The following HERC1 variants were observed in gnomAD, a reference collection of about 807,000 sequenced individuals.
HERC1 encodes the protein probable E3 ubiquitin-protein ligase HERC1.
HERC1 carries 160 observed loss-of-function variants against 554.3 expected under a neutral mutation model. The ratio of observed to expected loss-of-function variants is 0.29; its 90% CI spans 0.25 to 0.33. The LOEUF is 0.33. Among genes scored for constraint, HERC1 ranks in the 10% least tolerant of loss-of-function variants. HERC1 has a pLI of 1.00. For synonymous variants in HERC1, 2,175 were observed against 2,131.7 expected (o/e 1.02, Z -0.56); for missense variants, 4,919 against 5,918.5 (o/e 0.83, Z 5.54).
chr15:63,790,991 C>CA (rs1256024624), intron 1 of HERC1, among the ~76,000 whole-genome samples: 1 of 151,940 alleles, frequency 6.6e-6, no homozygotes, highest in Non-Finnish European at 1.5e-5. Flanking sequence ...ATTTTAACAA[C>CA]AAAAAATCCT....
chr15:63,628,840 G>C (rs750386617), intron 69 of HERC1, 25 bp from the exon 70 acceptor site: 2 of 1,602,076 alleles, frequency 1.2e-6, no homozygotes, highest in South Asian at 1.1e-5. Context: ...CAAATATACA[G>C]ACATTCAATT....
chr15:63,685,899 T>C (rs2071734529), intron 34 of HERC1, among the ~76,000 whole-genome samples: 1 of 152,232 alleles, frequency 6.6e-6, no homozygotes, highest in African/African-American at 2.4e-5. Flanking sequence ...ATCTAGATTG[T>C]ACAAACAATA....
In HERC1 at chr15:63,624,224, A is replaced by G. The variant is rs1243914804; in HGVS notation, c.13379T>C (p.Ile4460Thr). Residue 4460 changes from isoleucine to threonine, a missense_variant, in exon 72 of 78, where the codon ATA (isoleucine) becomes ACA (threonine). Ile to Thr is a moderately conservative substitution (Grantham distance 89). Around this residue, in one of 11 missense-constraint regions of HERC1, gnomAD observed 410 missense variants for 467.0 expected, o/e 0.88. Transcript: ENST00000443617. ...TTTGCCTTGAACCATGGTTTTTCCT[A>G]TGGAGCGCACCATTGGCAGAGTGTA... Reference protein sequence around the residue: ...RVYTLPMVRSIGKTMVQGKNY... With the variant: ...RVYTLPMVRSTGKTMVQGKNY... 6.2e-7 allele frequency: 1 copy of G among 1,613,920 alleles called. No homozygotes were observed. Among genetic ancestry groups the G allele is most frequent in the South Asian group, 1.1e-5 (1 of 91,082 alleles).
Position 63,625,998 on chromosome 15 carries a change from C to A in HERC1, c.13262G>T (p.Ser4421Ile). ...MYSSWRLLNL[S>I]PNNQNSTSHY... ...CCAGTCTGTTACCTGGTTGTTGGGGCTAAGGTTCAGCAGTCTCCAGGATGA... is the reference window on the plus strand; with the variant it reads ...CCAGTCTGTTACCTGGTTGTTGGGGATAAGGTTCAGCAGTCTCCAGGATGA... The change falls in exon 71 of 78, where the codon AGC (serine) becomes ATC (isoleucine). Residue 4421 changes from serine (S) to isoleucine (I), a missense_variant. Physicochemically the swap from Ser to Ile is moderately radical, Grantham distance 142. Transcript: ENST00000443617. 6.2e-7 allele frequency: 1 copy of A among 1,609,836 alleles called. No individual in the cohort carries two copies. Among genetic ancestry groups the A allele is most frequent in the Non-Finnish European group, 8.5e-7 (1 of 1,178,142 alleles).
Position 63,612,269 on chromosome 15 carries a change from T to G in HERC1, c.14382A>C (p.Gln4794His). The G allele has an allele frequency of 6.2e-7, 1 of 1,609,062 alleles. No individual in the cohort carries two copies. ...TACTTACCCTATCAACCTTCATGAT[T>G]TGAAATCTCTGAGAAATGTCAGCAG... The part of the protein sequence containing the change: ...ANTADISQRF[Q>H]IMKVDRPYDS... Residue 4794 changes from glutamine to histidine, a missense_variant, in exon 77 of 78, where the codon CAA becomes CAC. This residue lies in a region of HERC1 where 71 missense variants were observed against 101.4 expected (regional missense o/e 0.70). Transcript: ENST00000443617. This position sits in a 1 kb window ranked among gnomAD's most constrained non-coding sequence, Gnocchi z 5.0.
chr15:63,821,726 C>CAAAAAA (rs35074987), intron 1 of HERC1, among the ~76,000 whole-genome samples: 4 of 62,478 alleles, frequency 6.4e-5, no homozygotes, highest in African/African-American at 2.1e-4. Context: ...TACCCTGTCT[C>CAAAAAA]AAAAAAAAAA....
At chr15:63,635,572 C>T (rs2068745469) in intron 65 of HERC1, among the ~76,000 whole-genome samples, 1 of 152,158 alleles carries the variant, frequency 6.6e-6, no homozygotes, top group Non-Finnish European at 1.5e-5. Context: ...ACACTATTTT[C>T]CAGAAAATGC....
At chr15:63,803,408 T>C (rs1460454100) in intron 1 of HERC1, among the ~76,000 whole-genome samples, 1 of 151,944 alleles carries the variant, frequency 6.6e-6, no homozygotes, top group East Asian at 1.9e-4. Flanking sequence ...TCGTGGTGTA[T>C]ATCATGCTCT....
At chr15:63,714,829 G>A (rs941293703) in intron 22 of HERC1, among the ~76,000 whole-genome samples, 3 of 151,966 alleles carry the variant, frequency 2.0e-5, no homozygotes, top group African/African-American at 4.8e-5. Flanking sequence ...TTACAGCCGT[G>A]AGCCACCGCA....
intron 1 of HERC1, among the ~76,000 whole-genome samples, chr15:63,829,874 A>G (rs763077309): frequency 1.3e-5 from 2 of 152,094 alleles, no homozygotes; most frequent in East Asian, 3.8e-4. Flanking sequence ...TTTGAACAAC[A>G]AAATAAATAA....
intron 1 of HERC1, among the ~76,000 whole-genome samples, chr15:63,806,639 A>C (rs1313121740): frequency 6.6e-6 from 1 of 152,354 alleles, no homozygotes; most frequent in South Asian, 2.1e-4. Context: ...ATTGTAGAAG[A>C]GGAATTAATT....
At chr15:63,637,299 G>C (rs1410860329) in intron 64 of HERC1, among the ~76,000 whole-genome samples, 1 of 152,092 alleles carries the variant, frequency 6.6e-6, no homozygotes, top group African/African-American at 2.4e-5. Context: ...ATATTTCACT[G>C]AATTCTAGCA....
Position 63,733,013 on chromosome 15 carries a change from G to C in HERC1, c.2779C>G (p.Gln927Glu), listed in dbSNP as rs1255438681. The stretch of plus-strand genomic sequence containing the variant: ...TGGCAGCTCTGAGTGCCGTAAGGTT[G>C]ATCTGACAGATTTCCGTAGCCAGTA... ...VCTGYGNLSD[Q>E]PYGTQSCHPD... is the part of the protein sequence containing the mutation. Residue 927 changes from glutamine (Q) to glutamate (E), a missense_variant, in exon 14 of 78, where the codon CAA (glutamine) becomes GAA (glutamate). By Grantham distance (29) the Gln-to-Glu change is conservative. Transcript: ENST00000443617. 4.3e-6 allele frequency: 7 copies of C among 1,613,946 alleles called. No individual in the cohort carries two copies. The highest frequency in any genetic ancestry group is 2.2e-5 in the East Asian group (1 of 44,872).
At chr15:63,685,300 G>A (rs2071691004) in intron 34 of HERC1, among the ~76,000 whole-genome samples, 1 of 152,266 alleles carries the variant, frequency 6.6e-6, no homozygotes, top group African/African-American at 2.4e-5. Flanking sequence ...TGGGAGCACA[G>A]AGTGGAAGGC....
At chr15:63,812,808 A>C (rs2077372466) in intron 1 of HERC1, among the ~76,000 whole-genome samples, 1 of 152,206 alleles carries the variant, frequency 6.6e-6, no homozygotes, top group South Asian at 2.1e-4. Context: ...AAAATTATTA[A>C]GGAAAGAAAT....
At position 63,724,833 on chromosome 15, in the gene HERC1, C is replaced by T. The variant is rs868855183; in HGVS notation, c.3568+459G>A. On this transcript the variant is annotated intron_variant, in intron 18 of 77. Coordinates refer to ENST00000443617, the MANE Select transcript of HERC1 (RefSeq NM_003922.4). Reference sequence around the variant, plus strand: ...GAAATTCTAAAGGCACTTTAAGTGGCGAAGAAAAAATTAGGACATAATATA... The same window carrying T: ...GAAATTCTAAAGGCACTTTAAGTGGTGAAGAAAAAATTAGGACATAATATA... 5.3e-5 allele frequency among the ~76,000 whole-genome samples: 8 copies of T among 151,894 alleles called. No homozygotes were observed. The South Asian group carries it at 6.2e-4, about 12-fold the overall frequency.
chr15:63,645,599 G>A lies in HERC1; in HGVS notation c.10962C>T (p.Gly3654=). 6.2e-7 allele frequency: 1 copy of A among 1,612,750 alleles called. No individual in the cohort carries two copies. The change falls in exon 56 of 78, where the codon GGC becomes GGT. Residue 3654 remains glycine (G), a synonymous_variant. Transcript: ENST00000443617. The part of the protein sequence containing the change: ...CAKEDSVKLW[G]SISGCWCCLH... ...GACAGCACCAGCATCCCGAAATAGA[G>A]CCCCAGAGTTTCACACTGTCTTCTT...
At position 63,649,854 on chromosome 15, in the gene HERC1, T is replaced by A. The variant is rs915750228; in HGVS notation, c.10618A>T (p.Thr3540Ser). Reference sequence around the variant, plus strand: ...TCTGGAGACTCTCCTGACCAGGCTGTAGCCGGACCCTCTTCTGGCCAAGCC... The same window carrying A: ...TCTGGAGACTCTCCTGACCAGGCTGAAGCCGGACCCTCTTCTGGCCAAGCC... The part of the protein sequence containing the change: ...ALAWPEEGPA[T>S]AWSGESPELL... The change falls in exon 54 of 78, where the codon ACA (threonine) becomes TCA (serine). Residue 3540 changes from threonine to serine, a missense_variant. Physicochemically the swap from Thr to Ser is moderately conservative, Grantham distance 58 (BLOSUM62 1). Coordinates refer to ENST00000443617, the MANE Select transcript of HERC1 (RefSeq NM_003922.4). The A allele has an allele frequency of 9.3e-6, 15 of 1,613,054 alleles. No homozygotes were observed. Among genetic ancestry groups the A allele is most frequent in the Non-Finnish European group, 1.3e-5 (15 of 1,179,560 alleles).
intron 72 of HERC1, 26 bp downstream of exon 72, chr15:63,624,132 A>C: frequency 6.4e-7 from 1 of 1,560,258 alleles, no homozygotes; most frequent in East Asian, 2.3e-5. Flanking sequence ...ACAGCTCATT[A>C]GTCAAACACA....
Sources: gnomAD v4.1 joint callset for allele counts (sites outside exome capture counted in the v4.1 genomes callset) on GRCh38, gnomAD v4.1.1 for gene constraint, gnomAD v4.1.1 regional missense constraint, Gnocchi (gnomAD v3.1) non-coding constraint, MANE v1.5 for transcripts, NCBI Gene and HGNC (gene_info 2026-07-23, HGNC 2026-07-21) for gene names.